CFAP20DC: variants seen among roughly 807,000 people sequenced by gnomAD.
CFAP20DC encodes the protein CFAP20 domain containing, also known as protein CFAP20DC.
In CFAP20DC, 84 loss-of-function variants were observed where a neutral mutation model predicts 101.7. That is an observed-to-expected ratio of 0.83 (90% CI 0.69 to 0.99). The LOEUF (loss-of-function observed/expected upper bound fraction) is 0.99. CFAP20DC is among the 50% of genes least tolerant of loss of function. CFAP20DC has a pLI of 0.00. For missense variants in CFAP20DC, 1,007 were observed against 970.3 expected (o/e 1.04, Z -0.50); for synonymous variants, 359 against 351.2 (o/e 1.02, Z -0.25).
intron 15 of CFAP20DC, among the ~76,000 whole-genome samples, chr3:58,785,149 G>A (rs1215004853): frequency 6.6e-6 from 1 of 152,028 alleles, no homozygotes; most frequent in Non-Finnish European, 1.5e-5. Flanking sequence ...TGGGACCAGA[G>A]GTCGTTATGT....
chr3:58,818,108 C>T (rs1167195608), intron 14 of CFAP20DC, among the ~76,000 whole-genome samples: 2 of 149,928 alleles, frequency 1.3e-5, no homozygotes. Context: ...TTTGTCACCA[C>T]CAGGCCTGCC....
chr3:58,802,395 T>C (rs932551746), intron 15 of CFAP20DC, among the ~76,000 whole-genome samples: 1 of 152,234 alleles, frequency 6.6e-6, no homozygotes, highest in Non-Finnish European at 1.5e-5. Flanking sequence ...CTCTACATTA[T>C]GTGAGATTAT....
At chr3:58,739,301 A>G (rs1440308534), downstream of CFAP20DC, among the ~76,000 whole-genome samples, 1 of 152,218 alleles carries the variant, frequency 6.6e-6, no homozygotes, top group African/African-American at 2.4e-5. Context: ...TTGATGACTT[A>G]AAAGTCACTT....
chr3:58,754,655 A>G (rs1410824820), intron 15 of CFAP20DC, among the ~76,000 whole-genome samples: 1 of 152,120 alleles, frequency 6.6e-6, no homozygotes, highest in East Asian at 1.9e-4. Flanking sequence ...ATTCTTCTCA[A>G]TAGAAGTATG....
intron 16 of CFAP20DC, among the ~76,000 whole-genome samples, chr3:58,745,270 A>G (rs1559534909): frequency 6.6e-6 from 1 of 152,180 alleles, no homozygotes; most frequent in Non-Finnish European, 1.5e-5. Context: ...TAAAGTTTGG[A>G]CTACTTGAGA....
At chr3:58,983,288 A>G (rs941015381) in intron 4 of CFAP20DC, among the ~76,000 whole-genome samples, 8 of 152,176 alleles carry the variant, frequency 5.3e-5, no homozygotes, top group African/African-American at 1.9e-4. Context: ...TGTTTTATGG[A>G]AGCTGTTTGC....
chr3:58,838,395 G>A (rs766070758), intron 13 of CFAP20DC, among the ~76,000 whole-genome samples: 6 of 152,032 alleles, frequency 3.9e-5, no homozygotes, highest in Non-Finnish European at 7.4e-5. Flanking sequence ...TTTAGCATGC[G>A]ACCCTGAAGA....
At chr3:58,736,005 T>C (rs1007667664) in intron 3 of CFAP20DC, among the ~76,000 whole-genome samples, 1 of 152,136 alleles carries the variant, frequency 6.6e-6, no homozygotes, top group African/African-American at 2.4e-5. Flanking sequence ...CTCTTGATAA[T>C]GGTGATGTTC....
intron 4 of CFAP20DC, among the ~76,000 whole-genome samples, chr3:58,969,836 A>G (rs1278533728): frequency 6.6e-6 from 1 of 152,196 alleles, no homozygotes; most frequent in Non-Finnish European, 1.5e-5. Flanking sequence ...AGGCAAATCT[A>G]GAGAGACAGA....
intron 13 of CFAP20DC, among the ~76,000 whole-genome samples, chr3:58,847,669 A>G (rs1268302575): frequency 1.3e-5 from 2 of 150,324 alleles, no homozygotes; most frequent in African/African-American, 4.9e-5. Context: ...ATTACTGGGT[A>G]TATACCCAAA....
rs538982273 is a variant in CFAP20DC, at chr3:58,905,955, A to G, written c.550+7753T>C. Among the ~76,000 whole-genome samples, 9 of 152,278 alleles carry G rather than the reference A, an allele frequency of 5.9e-5. No homozygotes were observed. The South Asian group carries it at 1.9e-3, about 32-fold the overall frequency. On this transcript the variant is annotated intron_variant, in intron 6 of 16. Transcript: ENST00000482387. ...TCTACCAGCACATGAGAAGCAGCAA[A>G]CTGAAATAATTAGGAATATAAGCTC... is the stretch of plus-strand genomic sequence containing the variant.
intron 14 of CFAP20DC, among the ~76,000 whole-genome samples, chr3:58,823,680 T>C (rs2075846748): frequency 6.6e-6 from 1 of 152,110 alleles, no homozygotes; most frequent in African/African-American, 2.4e-5. Flanking sequence ...CACTAGTCTG[T>C]AGTGTTTATT....
chr3:58,759,714 A>C (rs567080356), intron 15 of CFAP20DC, among the ~76,000 whole-genome samples: 1 of 152,358 alleles, frequency 6.6e-6, no homozygotes, highest in South Asian at 2.1e-4. Flanking sequence ...TTTTTGTACA[A>C]GGTGCAAGGA....
At chr3:58,970,172 T>C (rs1406839776) in intron 4 of CFAP20DC, among the ~76,000 whole-genome samples, 1 of 152,140 alleles carries the variant, frequency 6.6e-6, no homozygotes, top group African/African-American at 2.4e-5. Context: ...CTTGGTGATG[T>C]CCTGAAATGT....
chr3:58,977,350 C>G (rs1469492775), intron 4 of CFAP20DC, among the ~76,000 whole-genome samples: 1 of 152,176 alleles, frequency 6.6e-6, no homozygotes, highest in African/African-American at 2.4e-5. Flanking sequence ...ATTAGCCTTT[C>G]TCAGGTAGGA....
At chr3:58,720,361 T>C (rs2067454531) in intron 3 of CFAP20DC, among the ~76,000 whole-genome samples, 1 of 152,032 alleles carries the variant, frequency 6.6e-6, no homozygotes, top group South Asian at 2.1e-4. Flanking sequence ...CCATAGAGAG[T>C]TGTCAAGATT....
intron 14 of CFAP20DC, among the ~76,000 whole-genome samples, chr3:58,816,299 G>A (rs906816362): frequency 2.6e-5 from 4 of 152,224 alleles, no homozygotes; most frequent in Non-Finnish European, 4.4e-5. Context: ...CAAGATGGCC[G>A]AATAGGAACA....
At chr3:58,744,340 CCAGT>C (rs1457919248) in intron 16 of CFAP20DC, among the ~76,000 whole-genome samples, 1 of 152,114 alleles carries the variant, frequency 6.6e-6, no homozygotes, top group East Asian at 1.9e-4. Context: ...GTTCTTTCTA[CCAGT>C]CAGAGTACTT....
intron 4 of CFAP20DC, among the ~76,000 whole-genome samples, chr3:59,038,417 C>T (rs891032189): frequency 6.6e-5 from 10 of 152,160 alleles, no homozygotes; most frequent in Admixed American, 5.2e-4. Context: ...TGCAGAACTA[C>T]CTAGATGGAA....
Sources: allele counts gnomAD v4.1 joint callset (sites outside exome capture counted in the v4.1 genomes callset), GRCh38; gene constraint gnomAD v4.1.1; transcripts MANE v1.5; gene names NCBI Gene and HGNC (gene_info 2026-07-23, HGNC 2026-07-21).